Variants in ZNF292 observed in about 807,000 individuals in gnomAD.
ZNF292 encodes 16 zinc-finger domain protein.
In ZNF292, 26 loss-of-function variants were observed where a neutral mutation model predicts 217.9. That is an observed-to-expected ratio of 0.12 (90% CI 0.09 to 0.17). The LOEUF (loss-of-function observed/expected upper bound fraction) is 0.17. Among genes scored for constraint, ZNF292 ranks in the 10% least tolerant of loss-of-function variants. The pLI is 1.00. For missense variants in ZNF292, 2,904 were observed against 3,175.2 expected (o/e 0.91, Z 2.05); for synonymous variants, 1,257 against 1,124.1 (o/e 1.12, Z -2.37).
At chr6:87,226,360 T>G (rs1407687541) in intron 4 of ZNF292, among the ~76,000 whole-genome samples, 1 of 152,068 alleles carries the variant, frequency 6.6e-6, no homozygotes, top group Non-Finnish European at 1.5e-5. Context: ...AAAATTGCTC[T>G]TAGTTTGCTA....
In ZNF292 at chr6:87,261,746, T is replaced by G. The variant is rs922121615; in HGVS notation, c.8117T>G (p.Met2706Arg). ...KLEVHSNDPD[M>R]SVMKDISIGK... ...GAAGTACATTCAAATGATCCAGATA[T>G]GTCTGTTATGAAAGATATCAGTATA... Residue 2706 changes from methionine (M) to arginine (R), a missense_variant, in exon 8 of 8, where the codon ATG becomes AGG. Physicochemically the swap from Met to Arg is moderately conservative, Grantham distance 91. Coordinates refer to ENST00000369577, the MANE Select transcript of ZNF292 (RefSeq NM_015021.3). The G allele has an allele frequency of 6.2e-7, 1 of 1,612,952 alleles. No homozygotes were observed. The highest frequency in any genetic ancestry group is 1.1e-5 in the South Asian group (1 of 91,044).
At chr6:87,200,544 G>T (rs1293104078) in intron 1 of ZNF292, among the ~76,000 whole-genome samples, 1 of 152,168 alleles carries the variant, frequency 6.6e-6, no homozygotes, top group Non-Finnish European at 1.5e-5. Context: ...GTTTTTCCAA[G>T]ATTGAAACCC....
chr6:87,174,522 G>A (rs1771218439), intron 1 of ZNF292, among the ~76,000 whole-genome samples: 1 of 152,174 alleles, frequency 6.6e-6, no homozygotes, highest in African/African-American at 2.4e-5. Flanking sequence ...TTAAAGTGTA[G>A]TTCTCTTCTG....
chr6:87,184,644 A>G (rs1318390183), intron 1 of ZNF292, among the ~76,000 whole-genome samples: 3 of 152,164 alleles, frequency 2.0e-5, no homozygotes, highest in Non-Finnish European at 4.4e-5. Context: ...ATTTATTAGG[A>G]GAATTCACAT....
At chr6:87,243,105 T>A (rs1353828354) in intron 5 of ZNF292, among the ~76,000 whole-genome samples, 1 of 151,788 alleles carries the variant, frequency 6.6e-6, no homozygotes, top group Non-Finnish European at 1.5e-5. Flanking sequence ...GGGGAAAAAA[T>A]AAAAGTACTG....
chr6:87,210,729 G>A (rs756748937), intron 1 of ZNF292, among the ~76,000 whole-genome samples: 17 of 152,014 alleles, frequency 1.1e-4, no homozygotes, highest in Admixed American at 3.3e-4. Context: ...GCTGTGAGCC[G>A]AGATCATGCC....
At position 87,257,706 on chromosome 6, in the gene ZNF292, G is replaced by A; in HGVS notation, c.4077G>A (p.Lys1359=). 1.9e-6 allele frequency: 3 copies of A among 1,613,126 alleles called. No individual in the cohort carries two copies. The highest frequency in any genetic ancestry group is 4.5e-5 in the East Asian group (2 of 44,838). The part of the protein sequence containing the change: ...RGPNGKERKP[K]HNKRAKWPAI... ...CAAATGGGAAGGAAAGAAAACCTAA[G>A]CACAACAAAAGGGCTAAATGGCCTG... is the stretch of plus-strand genomic sequence containing the variant. The change falls in exon 8 of 8, where the codon AAG becomes AAA. Residue 1359 remains lysine, a synonymous_variant. Coordinates refer to ENST00000369577, the MANE Select transcript of ZNF292 (RefSeq NM_015021.3).
rs766145386 is a variant in ZNF292 at position 87,260,844 on chromosome 6, A to G, written c.7215A>G (p.Arg2405=). The change falls in exon 8 of 8, where the codon AGA becomes AGG. Residue 2405 remains arginine (R), a synonymous_variant. Coordinates refer to ENST00000369577, the MANE Select transcript of ZNF292 (RefSeq NM_015021.3). ...TTACAAGTGAAAGCAATATAATTAG[A>G]CATTATAAGTGCCATAAATTATCTA... The part of the protein sequence containing the change: ...SVVTSESNII[R]HYKCHKLSKA... 6.2e-7 allele frequency: 1 copy of G among 1,611,472 alleles called. No homozygotes were observed. The highest frequency in any genetic ancestry group is 1.3e-5 in the African/African-American group (1 of 74,992).
At chr6:87,161,029 A>G (rs1770736102) in intron 1 of ZNF292, among the ~76,000 whole-genome samples, 1 of 152,128 alleles carries the variant, frequency 6.6e-6, no homozygotes, top group Admixed American at 6.5e-5. Context: ...CCAGAAATAT[A>G]CTTTATTTGG....
At chr6:87,194,805 T>C (rs538919096) in intron 1 of ZNF292, among the ~76,000 whole-genome samples, 4 of 152,232 alleles carry the variant, frequency 2.6e-5, no homozygotes, top group Admixed American at 2.6e-4. Context: ...AAATAAAATA[T>C]TAGGAAATAG....
intron 1 of ZNF292, among the ~76,000 whole-genome samples, chr6:87,188,362 A>G (rs1466946635): frequency 6.6e-6 from 1 of 152,204 alleles, no homozygotes; most frequent in Admixed American, 6.5e-5. Flanking sequence ...TCGCTAAGGT[A>G]AAGATACCCA....
intron 5 of ZNF292, chr6:87,233,762 TA>T (rs1773766162): frequency 1.6e-6 from 1 of 617,488 alleles, no homozygotes; most frequent in African/African-American, 2.0e-5. Flanking sequence ...ATGCTTTGGC[TA>T]AATTGTGGGA....
At chr6:87,180,828 A>G (rs960891457) in intron 1 of ZNF292, among the ~76,000 whole-genome samples, 1 of 152,188 alleles carries the variant, frequency 6.6e-6, no homozygotes, top group African/African-American at 2.4e-5. Flanking sequence ...GTACTTGAGT[A>G]TTCTTCAGAA....
At chr6:87,177,431 C>G (rs1408295271) in intron 1 of ZNF292, among the ~76,000 whole-genome samples, 1 of 151,682 alleles carries the variant, frequency 6.6e-6, no homozygotes, top group Admixed American at 6.6e-5. Flanking sequence ...TGTACTATTT[C>G]TTGTATCCTT....
chr6:87,222,654 A>G, intron 4 of ZNF292: 1 of 333,574 alleles, frequency 3.0e-6, no homozygotes. Context: ...AATATCTTAC[A>G]TTAGTTTGGT....
At position 87,254,646 on chromosome 6, in the gene ZNF292, A is replaced by G. The variant is rs1357268544; in HGVS notation, c.1021-4A>G. 6.3e-7 allele frequency: 1 copy of G among 1,578,030 alleles called. No homozygotes were observed. Among genetic ancestry groups the G allele is most frequent in the Admixed American group, 1.9e-5 (1 of 52,862 alleles). ...ATTAACATTTCCTATTTGCTTTTTCACAGACTGAAGGGGCTGGACTTGCTA... is the reference window on the plus strand; with the variant it reads ...ATTAACATTTCCTATTTGCTTTTTCGCAGACTGAAGGGGCTGGACTTGCTA... On this transcript the variant is annotated splice_polypyrimidine_tract_variant and splice_region_variant and intron_variant, in intron 7 of 7. Coordinates refer to ENST00000369577, the MANE Select transcript of ZNF292 (RefSeq NM_015021.3).
chr6:87,195,384 G>A (rs1771926804), intron 1 of ZNF292, among the ~76,000 whole-genome samples: 1 of 152,206 alleles, frequency 6.6e-6, no homozygotes, highest in Admixed American at 6.5e-5. Context: ...AATGGGAAAA[G>A]TTTAATAAGA....
intron 6 of ZNF292, 108 bp downstream of exon 6, chr6:87,243,719 A>C (rs1305608435): frequency 2.8e-6 from 3 of 1,088,678 alleles, no homozygotes; most frequent in Non-Finnish European, 3.7e-6. Context: ...TTTTTAAGAC[A>C]AAAGGCTTAT....
chr6:87,256,837 A>G lies in ZNF292; in HGVS notation c.3208A>G (p.Ser1070Gly). Residue 1070 changes from serine (S) to glycine (G), a missense_variant, in exon 8 of 8, where the codon AGT (serine) becomes GGT (glycine). Ser to Gly is a moderately conservative substitution (Grantham distance 56). Transcript: ENST00000369577. The part of the protein sequence containing the change: ...LYNLPLKTLE[S>G]IAFVPPQSDL... Reference sequence around the variant, plus strand: ...TAATTTACCTCTTAAGACATTAGAAAGTATTGCATTTGTTCCACCGCAGTC... The same window carrying G: ...TAATTTACCTCTTAAGACATTAGAAGGTATTGCATTTGTTCCACCGCAGTC... 1 of 1,613,776 alleles carries G rather than the reference A, an allele frequency of 6.2e-7. No homozygotes were observed. The highest frequency in any genetic ancestry group is 8.5e-7 in the Non-Finnish European group (1 of 1,179,818).
Sources: gnomAD v4.1 joint callset for allele counts (sites outside exome capture counted in the v4.1 genomes callset) on GRCh38, gnomAD v4.1.1 for gene constraint, MANE v1.5 for transcripts, NCBI Gene and HGNC (gene_info 2026-07-23, HGNC 2026-07-21) for gene names.